Variants in CADM2 observed in about 807,000 individuals in gnomAD.
CADM2 encodes cell adhesion molecule 2, also known as immunoglobulin superfamily member 4D.
Under a neutral mutation model 49.8 loss-of-function variants are expected in CADM2, and 12 were observed. The observed-to-expected ratio is 0.24, with a 90% CI of 0.15 to 0.39. The LOEUF is 0.39. Ranked by LOEUF, CADM2 falls within the 10% of genes least tolerant of loss-of-function variation. The pLI, the probability that CADM2 is intolerant of heterozygous loss-of-function variation, is 1.00. For missense variants in CADM2, 378 were observed against 492.3 expected (o/e 0.77, Z 2.20); for synonymous variants, 214 against 175.4 (o/e 1.22, Z -1.74).
intron 2 of CADM2, among the ~76,000 whole-genome samples, chr3:85,780,193 G>T (rs1381458720): frequency 6.6e-6 from 1 of 152,094 alleles, no homozygotes; most frequent in African/African-American, 2.4e-5. Context: ...AGAAAAATAA[G>T]GGTGTGACTA....
At chr3:85,117,754 T>G (rs2038694550) in intron 1 of CADM2, among the ~76,000 whole-genome samples, 1 of 152,214 alleles carries the variant, frequency 6.6e-6, no homozygotes, top group Non-Finnish European at 1.5e-5. Context: ...TAAGGAAGTC[T>G]AGAATAAAAT....
intron 8 of CADM2, among the ~76,000 whole-genome samples, chr3:86,043,816 C>G (rs1030079837): frequency 1.3e-5 from 2 of 152,168 alleles, no homozygotes; most frequent in African/African-American, 4.8e-5. Context: ...AACTATACTA[C>G]AAGGCTACAG....
At chr3:85,883,187 T>A in intron 3 of CADM2, 104 bp from the exon 4 acceptor site, 3 of 820,966 alleles carry the variant, frequency 3.7e-6, no homozygotes. Context: ...TTTGAATGTA[T>A]GGCCAAAGAA....
intron 1 of CADM2, among the ~76,000 whole-genome samples, chr3:85,571,847 A>C (rs1363263094): frequency 6.6e-6 from 1 of 152,242 alleles, no homozygotes; most frequent in Non-Finnish European, 1.5e-5. Context: ...TCAGCCCTAC[A>C]TGACTTATAG....
At chr3:85,805,324 G>C (rs954614208) in intron 3 of CADM2, 3 of 152,232 alleles carry the variant, frequency 2.0e-5, no homozygotes, top group Non-Finnish European at 2.9e-5. Flanking sequence ...GTATGTGTTT[G>C]TGTTTGTAGT....
intron 8 of CADM2, among the ~76,000 whole-genome samples, chr3:86,021,515 A>G (rs532761947): frequency 6.6e-6 from 1 of 152,334 alleles, no homozygotes; most frequent in East Asian, 1.9e-4. Flanking sequence ...ATCTACAAAA[A>G]GTCTGTGAAA....
At chr3:85,915,954 G>A (rs527241649) in intron 6 of CADM2, among the ~76,000 whole-genome samples, 80 of 152,130 alleles carry the variant, frequency 5.3e-4, no homozygotes, top group African/African-American at 1.8e-3. Flanking sequence ...AGTTTGGTGA[G>A]CAATAAGAAA....
intron 1 of CADM2, among the ~76,000 whole-genome samples, chr3:85,702,248 C>T (rs1431429227): frequency 6.6e-6 from 1 of 152,080 alleles, no homozygotes; most frequent in Non-Finnish European, 1.5e-5. Context: ...AATCTCCTAA[C>T]AACTCAGGGT....
intron 1 of CADM2, among the ~76,000 whole-genome samples, chr3:85,554,903 A>T (rs2061918818): frequency 6.9e-6 from 1 of 145,560 alleles, no homozygotes; most frequent in African/African-American, 2.6e-5. Flanking sequence ...TTTTGTGCAG[A>T]CTGTGTCTCA....
chr3:85,480,937 C>A lies in CADM2; in HGVS notation c.62-245585C>A, dbSNP rs1440138497. ...TCTTAAGAATATTTATATGAATAAT[C>A]CTTTTCTTTATTTTTGATAAGAATA... On this transcript the variant is annotated intron_variant, in intron 1 of 9. Transcript: ENST00000383699. 2.6e-5 allele frequency among the ~76,000 whole-genome samples: 4 copies of A among 151,532 alleles called. No homozygotes were observed. The East Asian group carries it at 7.7e-4, about 29-fold the overall frequency.
chr3:85,931,127 C>G (rs574165343), intron 6 of CADM2, among the ~76,000 whole-genome samples: 1 of 152,086 alleles, frequency 6.6e-6, no homozygotes, highest in Non-Finnish European at 1.5e-5. Context: ...AATCCCAGCA[C>G]TTTTGGAGGC....
rs145385546 is a variant in CADM2 at position 85,014,905 on chromosome 3, C to T, written c.61+55237C>T. Among the ~76,000 whole-genome samples the T allele has an allele frequency of 1.0e-2, 1,517 of 152,220 alleles. 35 individuals carry two copies. The highest frequency in any genetic ancestry group is 0.035 in the African/African-American group (1,453 of 41,524). On this transcript the variant is annotated intron_variant, in intron 1 of 9. Coordinates refer to ENST00000383699, the MANE Select transcript of CADM2 (RefSeq NM_001167675.2). ...ATTAGCTTTGGAAACTATTGGGAGA[C>T]ATTTTGGTGCCTGCCTATATCCTTC...
chr3:85,312,796 T>C (rs1559773751), intron 1 of CADM2, among the ~76,000 whole-genome samples: 3 of 152,182 alleles, frequency 2.0e-5, no homozygotes, highest in Non-Finnish European at 2.9e-5. Context: ...ATTTTAAGAG[T>C]GCATACTGGC....
At chr3:85,906,077 G>A (rs1039425789) in intron 5 of CADM2, among the ~76,000 whole-genome samples, 3 of 152,094 alleles carry the variant, frequency 2.0e-5, no homozygotes, top group Non-Finnish European at 4.4e-5. Context: ...TACAGAAGTT[G>A]CTCAAATGCG....
intron 3 of CADM2, among the ~76,000 whole-genome samples, chr3:85,820,624 A>G (rs1314370987): frequency 6.6e-6 from 1 of 152,128 alleles, no homozygotes; most frequent in Non-Finnish European, 1.5e-5. Flanking sequence ...GCAGGAGGTG[A>G]AGGTGGTGAT....
rs915054598 is a variant in CADM2, at chr3:86,069,525, T to A, written c.*2742T>A. On this transcript the variant is annotated 3_prime_UTR_variant, in exon 10 of 10. Coordinates refer to ENST00000383699, the MANE Select transcript of CADM2 (RefSeq NM_001167675.2). ...TTTCAACCAAACAAAAAATAAATTG[T>A]AAAAATTATGCTCATTTCTATTCCA... 1.6e-4 allele frequency: 24 copies of A among 152,074 alleles called. No individual in the cohort carries two copies. Among genetic ancestry groups the A allele is most frequent in the African/African-American group, 5.3e-4 (22 of 41,454 alleles). The allele number at this position is 152,074 out of a possible 1,614,324, so 9.4% of individuals were successfully genotyped here.
At chr3:85,793,968 CA>C (rs2108042503) in intron 2 of CADM2, among the ~76,000 whole-genome samples, 1 of 152,158 alleles carries the variant, frequency 6.6e-6, no homozygotes, top group East Asian at 1.9e-4. Context: ...ACTTAATATT[CA>C]AAAAATGTTA....
At chr3:85,091,796 T>C (rs1353105923) in intron 1 of CADM2, among the ~76,000 whole-genome samples, 1 of 152,150 alleles carries the variant, frequency 6.6e-6, no homozygotes, top group Non-Finnish European at 1.5e-5. Flanking sequence ...GTAGAAAGCA[T>C]AGTAACCCAT....
intron 1 of CADM2, among the ~76,000 whole-genome samples, chr3:85,593,502 A>G (rs1372824011): frequency 1.3e-5 from 2 of 152,018 alleles, no homozygotes; most frequent in Non-Finnish European, 1.5e-5. Flanking sequence ...AGAGATTTCT[A>G]TCGTCATAGA....
Sources: gnomAD v4.1 joint callset for allele counts (sites outside exome capture counted in the v4.1 genomes callset) on GRCh38, gnomAD v4.1.1 for gene constraint, MANE v1.5 for transcripts, NCBI Gene and HGNC (gene_info 2026-07-23, HGNC 2026-07-21) for gene names.